The following LDLRAD4 variants were observed in gnomAD, a reference collection of about 807,000 sequenced individuals.
LDLRAD4 encodes the protein low density lipoprotein receptor class A domain containing 4, also known as low-density lipoprotein receptor class A domain-containing protein 4.
Under a neutral mutation model 17.0 loss-of-function variants are expected in LDLRAD4, and 5 were observed. That is an observed-to-expected ratio of 0.29 (90% CI 0.15 to 0.62). The LOEUF is 0.62. LDLRAD4 is among the 20% of genes least tolerant of loss of function. The pLI, the probability that LDLRAD4 is intolerant of heterozygous loss-of-function variation, is 0.84. For synonymous variants in LDLRAD4, 168 were observed against 171.8 expected (o/e 0.98, Z 0.17); for missense variants, 340 against 424.7 (o/e 0.80, Z 1.75).
intron 3 of LDLRAD4, among the ~76,000 whole-genome samples, chr18:13,443,527 A>G (rs938486432): frequency 6.6e-6 from 1 of 152,054 alleles, no homozygotes; most frequent in African/African-American, 2.4e-5. Context: ...TCGAGTTCAT[A>G]TTTCTCCAGT....
intron 3 of LDLRAD4, among the ~76,000 whole-genome samples, chr18:13,587,565 A>G (rs529182594): frequency 7.4e-4 from 112 of 152,294 alleles, no homozygotes; most frequent in Non-Finnish European, 1.3e-3. Context: ...GGCTTAGACA[A>G]TTTCAATTAC....
chr18:13,366,381 G>C (rs1387116983), intron 1 of LDLRAD4: 1 of 152,196 alleles, frequency 6.6e-6, no homozygotes, highest in Non-Finnish European at 1.5e-5. Flanking sequence ...TCCCGGGCAT[G>C]GTTTCCTCCT....
Position 13,322,978 on chromosome 18 carries a change from AT to A in LDLRAD4, c.-383+44793del, listed in dbSNP as rs2081336448. On this transcript the variant is annotated intron_variant, in intron 1 of 5. Transcript: ENST00000359446. ...TACCCCTTACAGATGGATAATGTAA[AT>A]TTGTGTCACACAAACGCTTTGACTC... 2.6e-5 allele frequency among the ~76,000 whole-genome samples: 4 copies of A among 152,194 alleles called. No homozygotes were observed. The South Asian group carries it at 8.3e-4, about 32-fold the overall frequency.
At chr18:13,464,864 G>A (rs1198764610) in intron 3 of LDLRAD4, among the ~76,000 whole-genome samples, 1 of 139,196 alleles carries the variant, frequency 7.2e-6, no homozygotes, top group African/African-American at 2.7e-5. Context: ...AGAAAAATGA[G>A]GCTCCGTGCT....
intron 3 of LDLRAD4, among the ~76,000 whole-genome samples, chr18:13,619,067 C>A (rs541511936): frequency 6.6e-6 from 1 of 152,214 alleles, no homozygotes; most frequent in Admixed American, 6.5e-5. Context: ...CAGAGCCCAC[C>A]GGGGCCACAC....
At chr18:13,430,409 A>G (rs1054112293) in intron 2 of LDLRAD4, among the ~76,000 whole-genome samples, 4 of 152,202 alleles carry the variant, frequency 2.6e-5, no homozygotes, top group Admixed American at 6.5e-5. Flanking sequence ...TTGACTTTCC[A>G]TCACTTTCAC....
intron 3 of LDLRAD4, among the ~76,000 whole-genome samples, chr18:13,599,106 T>A (rs2095129391): frequency 6.6e-6 from 1 of 152,218 alleles, no homozygotes; most frequent in African/African-American, 2.4e-5. Context: ...ACCTGTAATT[T>A]AACCTCTGCA....
At chr18:13,453,954 C>T (rs1270035949) in intron 3 of LDLRAD4, among the ~76,000 whole-genome samples, 1 of 152,284 alleles carries the variant, frequency 6.6e-6, no homozygotes, top group African/African-American at 2.4e-5. Context: ...AGCTAATGGG[C>T]GCCGTGTTCA....
intron 1 of LDLRAD4, among the ~76,000 whole-genome samples, chr18:13,354,262 G>A (rs1239760998): frequency 6.6e-6 from 1 of 152,138 alleles, no homozygotes; most frequent in Non-Finnish European, 1.5e-5. Flanking sequence ...ATTTTTTCAA[G>A]TACTTTGGAG....
chr18:13,441,400 CTT>C (rs940340721), intron 3 of LDLRAD4, among the ~76,000 whole-genome samples: 6 of 152,222 alleles, frequency 3.9e-5, no homozygotes, highest in Non-Finnish European at 4.4e-5. Context: ...CCCACGAACT[CTT>C]GTCTATGAAG....
At chr18:13,626,596 A>G (rs190258063) in intron 4 of LDLRAD4, among the ~76,000 whole-genome samples, 62 of 152,378 alleles carry the variant, frequency 4.1e-4, no homozygotes, top group African/African-American at 1.4e-3. Context: ...AGCAATTTCA[A>G]TTTAAAAAAT....
intron 1 of LDLRAD4, among the ~76,000 whole-genome samples, chr18:13,384,676 A>G (rs940726828): frequency 1.3e-5 from 2 of 152,056 alleles, no homozygotes; most frequent in Non-Finnish European, 2.9e-5. Flanking sequence ...TTGTCTTTCA[A>G]TTCCTGGCTT....
In LDLRAD4 at chr18:13,622,808, AT is replaced by A. The variant is rs2040775689; in HGVS notation, c.336+1538del. Reference sequence around the variant, plus strand: ...GCTCAGACATCGCTGCTTTGCCTTAATGTATTACGGGCTGTGAACGCCACCC... The same window carrying A: ...GCTCAGACATCGCTGCTTTGCCTTAAGTATTACGGGCTGTGAACGCCACCC... On this transcript the variant is annotated intron_variant, in intron 4 of 5. Coordinates refer to ENST00000359446, the Ensembl canonical transcript of LDLRAD4. This position sits in a 1 kb window ranked among gnomAD's most constrained non-coding sequence, Gnocchi z 5.3. Among the ~76,000 whole-genome samples, 1 of 152,138 alleles carries A rather than the reference AT, an allele frequency of 6.6e-6. No homozygotes were observed.
chr18:13,340,758 C>CT (rs1055860015), intron 1 of LDLRAD4, among the ~76,000 whole-genome samples: 25 of 151,884 alleles, frequency 1.6e-4, no homozygotes, highest in African/African-American at 6.0e-4. Context: ...TCTATTTTTT[C>CT]TTTTTTTGCC....
chr18:13,518,354 G>A (rs1434408237), intron 3 of LDLRAD4, among the ~76,000 whole-genome samples: 1 of 152,160 alleles, frequency 6.6e-6, no homozygotes, highest in Non-Finnish European at 1.5e-5. Context: ...TGTGTTTCTT[G>A]TATTATATTC....
chr18:13,379,573 A>G (rs2085185622), intron 1 of LDLRAD4, among the ~76,000 whole-genome samples: 1 of 152,188 alleles, frequency 6.6e-6, no homozygotes, highest in African/African-American at 2.4e-5. Flanking sequence ...CTGTCTCCCC[A>G]GCTCCTAAAA....
chr18:13,249,631 T>C (rs954209844), intron 1 of LDLRAD4, among the ~76,000 whole-genome samples: 2 of 152,178 alleles, frequency 1.3e-5, no homozygotes, highest in African/African-American at 4.8e-5. Flanking sequence ...TTGAGTTCCT[T>C]GTATATTTTG....
chr18:13,532,542 G>A (rs1268035725), intron 3 of LDLRAD4, among the ~76,000 whole-genome samples: 1 of 152,168 alleles, frequency 6.6e-6, no homozygotes, highest in Non-Finnish European at 1.5e-5. Context: ...AGGCGGAGGA[G>A]TGGGATAGCT....
At chr18:13,225,895 A>G (rs1016144251) in intron 1 of LDLRAD4, among the ~76,000 whole-genome samples, 4 of 152,164 alleles carry the variant, frequency 2.6e-5, no homozygotes, top group African/African-American at 9.7e-5. Context: ...ATTCTATTCT[A>G]TGGTTATATT....
Sources: gnomAD v4.1 joint callset for allele counts (sites outside exome capture counted in the v4.1 genomes callset) on GRCh38, gnomAD v4.1.1 for gene constraint, Gnocchi (gnomAD v3.1) non-coding constraint, MANE v1.5 for transcripts, NCBI Gene and HGNC (gene_info 2026-07-23, HGNC 2026-07-21) for gene names.